Variants in MSL2 observed in about 807,000 individuals in gnomAD.
MSL2 encodes the protein E3 ubiquitin-protein ligase MSL2.
Under a neutral mutation model 35.8 loss-of-function variants are expected in MSL2, and 2 were observed. The observed-to-expected ratio is 0.06, with a 90% CI of 0.02 to 0.18. MSL2 has a LOEUF of 0.18. Ranked by LOEUF, MSL2 falls within the 10% of genes least tolerant of loss-of-function variation. The pLI, the probability that MSL2 is intolerant of heterozygous loss-of-function variation, is 1.00. For synonymous variants in MSL2, 296 were observed against 255.7 expected (o/e 1.16, Z -1.50); for missense variants, 523 against 706.7 (o/e 0.74, Z 2.95).
intron 1 of MSL2, among the ~76,000 whole-genome samples, chr3:136,165,454 A>G (rs1387494868): frequency 1.3e-5 from 2 of 152,134 alleles, no homozygotes; most frequent in Non-Finnish European, 2.9e-5. Context: ...AAGTCAGTCA[A>G]TTTTAAATTT....
chr3:136,189,810 A>ATT (rs1940632169), intron 1 of MSL2, among the ~76,000 whole-genome samples: 1 of 152,102 alleles, frequency 6.6e-6, no homozygotes. Context: ...TTTAACACCA[A>ATT]TGTTTAACCT....
intron 1 of MSL2, chr3:136,194,494 G>A: frequency 2.0e-6 from 2 of 981,424 alleles, no homozygotes; most frequent in African/African-American, 3.5e-5. Flanking sequence ...AAAGTTCCGC[G>A]CCGGGTTCTC....
intron 1 of MSL2, among the ~76,000 whole-genome samples, chr3:136,191,511 G>A (rs911802059): frequency 1.3e-5 from 2 of 151,526 alleles, no homozygotes; most frequent in Non-Finnish European, 2.9e-5. Flanking sequence ...GAGCCACAGT[G>A]GCTTACACCT....
chr3:136,170,248 G>C lies in MSL2; in HGVS notation c.143-17510C>G, dbSNP rs1329872826. The stretch of plus-strand genomic sequence containing the variant: ...CATGCCTGTAATCCCATCTACTCAG[G>C]AGGCTGAGGCAGGAGAATCATTTGA... On this transcript the variant is annotated intron_variant, in intron 1 of 1. Coordinates refer to ENST00000309993, the MANE Select transcript of MSL2 (RefSeq NM_018133.4). Among the ~76,000 whole-genome samples the C allele has an allele frequency of 2.7e-5, 4 of 146,642 alleles. No individual in the cohort carries two copies. In the East Asian group the frequency reaches 6.3e-4, roughly 23 times the overall value.
intron 1 of MSL2, among the ~76,000 whole-genome samples, chr3:136,177,882 A>G (rs1940226952): frequency 6.6e-6 from 1 of 152,202 alleles, no homozygotes; most frequent in Admixed American, 6.6e-5. Context: ...TGTAATTTTA[A>G]AAATATAAAT....
At chr3:136,194,096 TAGA>T (rs1240907625) in intron 1 of MSL2, among the ~76,000 whole-genome samples, 1 of 152,246 alleles carries the variant, frequency 6.6e-6, no homozygotes, top group African/African-American at 2.4e-5. Flanking sequence ...AAATTTAGGA[TAGA>T]ATATTAAGTG....
intron 1 of MSL2, among the ~76,000 whole-genome samples, chr3:136,182,094 A>G (rs1417325746): frequency 2.0e-5 from 3 of 152,184 alleles, no homozygotes; most frequent in Non-Finnish European, 2.9e-5. Flanking sequence ...AGTTCTTTAA[A>G]TGTTATAACA....
chr3:136,152,621 T>G lies in MSL2; in HGVS notation c.260A>C (p.Tyr87Ser). The G allele has an allele frequency of 6.2e-7, 1 of 1,614,224 alleles. No homozygotes were observed. Among genetic ancestry groups the G allele is most frequent in the Non-Finnish European group, 8.5e-7 (1 of 1,180,046 alleles). The change falls in exon 2 of 2, where the codon TAT becomes TCT. Residue 87 changes from tyrosine (Y) to serine (S), a missense_variant. Physicochemically the swap from Tyr to Ser is moderately radical, Grantham distance 144 (BLOSUM62 -2). Around this residue, in one of 5 missense-constraint regions of MSL2, gnomAD observed 41 missense variants for 83.3 expected, o/e 0.49. Coordinates refer to ENST00000309993, the MANE Select transcript of MSL2 (RefSeq NM_018133.4). ...CTGCTTGTTTTCCTCAAACTGCTCA[T>G]AGTCTTTGCACCAGCTACAGGAAGG... is the stretch of plus-strand genomic sequence containing the variant. ...MKPSCSWCKD[Y>S]EQFEENKQLS...
In MSL2 at chr3:136,152,701, G is replaced by A. The variant is rs1939407447; in HGVS notation, c.180C>T (p.Ser60=). The change falls in exon 2 of 2, where the codon TCC becomes TCT. Residue 60 remains serine, a synonymous_variant. Transcript: ENST00000309993. ...TTTTGCAGACATAATGTTGGCAGGT[G>A]GAGTTGGTGGGTGCAATAGGATCTT... The part of the protein sequence containing the change: ...LLQDPIAPTN[S]TCQHYVCKTC... 6.2e-7 allele frequency: 1 copy of A among 1,614,136 alleles called. No individual in the cohort carries two copies. The highest frequency in any genetic ancestry group is 1.3e-5 in the African/African-American group (1 of 75,020).
chr3:136,180,195 C>G (rs1940301030), intron 1 of MSL2, among the ~76,000 whole-genome samples: 1 of 152,142 alleles, frequency 6.6e-6, no homozygotes, highest in Non-Finnish European at 1.5e-5. Flanking sequence ...ATTTGGACTT[C>G]TTATGTTTCC....
chr3:136,158,319 TAA>T (rs75588256), intron 1 of MSL2, among the ~76,000 whole-genome samples: 2 of 122,990 alleles, frequency 1.6e-5, no homozygotes, highest in South Asian at 2.6e-4. Flanking sequence ...AAATTAAAAT[TAA>T]AAAAAAAAAA....
At chr3:136,184,318 G>C (rs1940450879) in intron 1 of MSL2, among the ~76,000 whole-genome samples, 1 of 150,594 alleles carries the variant, frequency 6.6e-6, no homozygotes, top group Admixed American at 6.6e-5. Flanking sequence ...CTATGGTTCT[G>C]GGCTGGGCAC....
chr3:136,187,436 G>C (rs533291142), intron 1 of MSL2, among the ~76,000 whole-genome samples: 1 of 152,080 alleles, frequency 6.6e-6, no homozygotes, highest in Non-Finnish European at 1.5e-5. Flanking sequence ...GTCGAGGTGG[G>C]AGGATGACCT....
At chr3:136,161,219 G>C (rs935245230) in intron 1 of MSL2, among the ~76,000 whole-genome samples, 1 of 152,152 alleles carries the variant, frequency 6.6e-6, no homozygotes, top group Non-Finnish European at 1.5e-5. Flanking sequence ...CCAAAAGTTG[G>C]CAAAGATGTG....
At chr3:136,155,452 G>C (rs113021516) in intron 1 of MSL2, 58,825 of 162,254 alleles carry the variant, frequency 0.36, 11,937 homozygotes, top group African/African-American at 0.55. Context: ...TGCAGTGAGC[G>C]GAGATCGTGC....
In MSL2 at chr3:136,152,365, A is replaced by G; in HGVS notation, c.516T>C (p.Ala172=). The change falls in exon 2 of 2, where the codon GCT becomes GCC. Residue 172 remains alanine (A), a synonymous_variant. Transcript: ENST00000309993. ...TGCTTTCAGACATTGGAGATAAACT[A>G]GCTTGAGGATCAGTTGTGGGTTCTG... ...STSEPTTDPQ[A]SLSPMSESTL... is the part of the protein sequence containing the mutation. 1 of 1,614,240 alleles carries G rather than the reference A, an allele frequency of 6.2e-7. No homozygotes were observed. Among genetic ancestry groups the G allele is most frequent in the Non-Finnish European group, 8.5e-7 (1 of 1,180,040 alleles).
At chr3:136,164,990 C>A (rs1939802606) in intron 1 of MSL2, among the ~76,000 whole-genome samples, 1 of 152,068 alleles carries the variant, frequency 6.6e-6, no homozygotes, top group South Asian at 2.1e-4. Context: ...TCTCCCGCCT[C>A]AGCCTCCCGA....
rs1448073635 is a variant in MSL2 at position 136,150,753 on chromosome 3, T to G, written c.*394A>C. The G allele has an allele frequency of 5.6e-6, 1 of 178,996 alleles. No individual in the cohort carries two copies. Among genetic ancestry groups the G allele is most frequent in the Admixed American group, 5.3e-5 (1 of 18,732 alleles). 11.1% of individuals were successfully genotyped at this position (178,996 alleles called of 1,614,324 possible). On this transcript the variant is annotated 3_prime_UTR_variant, in exon 2 of 2. Coordinates refer to ENST00000309993, the MANE Select transcript of MSL2 (RefSeq NM_018133.4). Reference sequence around the variant, plus strand: ...CTGAGTTTCCTGAACTAATGGCTACTTTTCCACAAAAAAATTAGCACAATC... The same window carrying G: ...CTGAGTTTCCTGAACTAATGGCTACGTTTCCACAAAAAAATTAGCACAATC...
In MSL2 at chr3:136,151,024, T is replaced by C; in HGVS notation, c.*123A>G. ...GACACTAACACATATAACTTAGCAA[T>C]GAAAACACTTGATACAAGTGATCTA... On this transcript the variant is annotated 3_prime_UTR_variant, in exon 2 of 2. Transcript: ENST00000309993. This position sits in a 1 kb window ranked among gnomAD's most constrained non-coding sequence, Gnocchi z 5.2. The C allele has an allele frequency of 9.2e-7, 1 of 1,083,350 alleles. No homozygotes were observed. Among genetic ancestry groups the C allele is most frequent in the Admixed American group, 2.2e-5 (1 of 44,518 alleles). The allele number at this position is 1,083,350 out of a possible 1,614,324, so 67.1% of individuals were successfully genotyped here. A position where few individuals can be genotyped will look rare whatever the true frequency, so the allele number is the denominator to read the frequency against.
Sources: allele counts gnomAD v4.1 joint callset (sites outside exome capture counted in the v4.1 genomes callset), GRCh38; gene constraint gnomAD v4.1.1; regional missense constraint gnomAD v4.1.1; non-coding constraint Gnocchi (gnomAD v3.1); transcripts MANE v1.5; gene names NCBI Gene and HGNC (gene_info 2026-07-23, HGNC 2026-07-21).